Variants in FAM83B observed in about 807,000 individuals in gnomAD.
FAM83B encodes the protein scaffolding CK1 anchoring protein B.
Under a neutral mutation model 38.8 loss-of-function variants are expected in FAM83B, and 26 were observed. The observed-to-expected ratio is 0.67, with a 90% CI of 0.49 to 0.93. The LOEUF is 0.93. FAM83B is among the 40% of genes least tolerant of loss of function. The pLI, the probability that FAM83B is intolerant of heterozygous loss-of-function variation, is 0.00. For synonymous variants in FAM83B, 419 were observed against 423.1 expected (o/e 0.99, Z 0.12); for missense variants, 1,237 against 1,197.3 (o/e 1.03, Z -0.49).
At chr6:54,900,079 A>G (rs1475411632) in intron 2 of FAM83B, among the ~76,000 whole-genome samples, 1 of 152,212 alleles carries the variant, frequency 6.6e-6, no homozygotes, top group African/African-American at 2.4e-5. Context: ...GTTTTTGTCA[A>G]AATTAACATT....
intron 2 of FAM83B, among the ~76,000 whole-genome samples, chr6:54,905,461 A>G (rs915632936): frequency 2.0e-5 from 3 of 152,238 alleles, no homozygotes; most frequent in African/African-American, 7.2e-5. Context: ...CAAGCTAATT[A>G]ACATATCTTT....
rs555344713 is a variant in FAM83B at position 54,888,830 on chromosome 6, A to G, written c.444+18140A>G. On this transcript the variant is annotated intron_variant, in intron 2 of 4. Transcript: ENST00000306858. Reference sequence around the variant, plus strand: ...TATATCAGCTAGCATCTCCTCAAATATTGCTTCTACCTTCTGTTTCTCTTC... The same window carrying G: ...TATATCAGCTAGCATCTCCTCAAATGTTGCTTCTACCTTCTGTTTCTCTTC... Among the ~76,000 whole-genome samples the G allele has an allele frequency of 5.3e-5, 8 of 151,918 alleles. No individual in the cohort carries two copies. In the South Asian group the frequency reaches 1.7e-3, roughly 31 times the overall value.
rs1257128665 is a variant in FAM83B at position 54,855,970 on chromosome 6, G to A, written c.-61+9144G>A. Among the ~76,000 whole-genome samples the A allele has an allele frequency of 2.0e-5, 3 of 152,130 alleles. No homozygotes were observed. The East Asian group carries it at 5.8e-4, about 29-fold the overall frequency. On this transcript the variant is annotated intron_variant, in intron 1 of 4. Coordinates refer to ENST00000306858, the MANE Select transcript of FAM83B (RefSeq NM_001010872.3). ...ATATTTTTGATTTGTACAGAGGATG[G>A]TTAAAACTGAAAGAGAAGAAAGGTA...
chr6:54,919,941 A>T (rs560455758), intron 2 of FAM83B, among the ~76,000 whole-genome samples: 8 of 152,064 alleles, frequency 5.3e-5, no homozygotes, highest in African/African-American at 1.4e-4. Flanking sequence ...ACTTTCCCAG[A>T]ATCACTTAAT....
intron 2 of FAM83B, among the ~76,000 whole-genome samples, chr6:54,920,168 C>T (rs1170342996): frequency 6.6e-6 from 1 of 151,636 alleles, no homozygotes; most frequent in Non-Finnish European, 1.5e-5. Flanking sequence ...ATATCAGCCT[C>T]ATTTTTTTTT....
intron 2 of FAM83B, among the ~76,000 whole-genome samples, chr6:54,896,681 A>G (rs1246268728): frequency 6.6e-6 from 1 of 152,246 alleles, no homozygotes; most frequent in Non-Finnish European, 1.5e-5. Context: ...TAAAATTGTC[A>G]ATGTCTCAGA....
intron 2 of FAM83B, among the ~76,000 whole-genome samples, chr6:54,881,923 C>A (rs566992714): frequency 6.6e-6 from 1 of 152,322 alleles, no homozygotes; most frequent in South Asian, 2.1e-4. Flanking sequence ...TTCCCCCTGC[C>A]GCACGGCAGG....
intron 4 of FAM83B, among the ~76,000 whole-genome samples, chr6:54,933,164 T>C (rs1773460120): frequency 6.6e-6 from 1 of 152,048 alleles, no homozygotes; most frequent in South Asian, 2.1e-4. Context: ...ATTTTGCTCT[T>C]CTGACTCAAT....
chr6:54,846,909 G>GT (rs1554142384), intron 1 of FAM83B, 83 bp downstream of exon 1: 18 of 52,758 alleles, frequency 3.4e-4, no homozygotes, highest in African/African-American at 1.5e-3. Context: ...TTGGGGTACT[G>GT]GGGGGGCCCG....
At chr6:54,906,664 G>A (rs1269730478) in intron 2 of FAM83B, among the ~76,000 whole-genome samples, 3 of 152,034 alleles carry the variant, frequency 2.0e-5, no homozygotes, top group Non-Finnish European at 2.9e-5. Flanking sequence ...GATTACAGGC[G>A]TGAACCACCA....
Position 54,923,657 on chromosome 6 carries a change from G to A in FAM83B, c.445-2714G>A, listed in dbSNP as rs183998899. 3.2e-3 allele frequency among the ~76,000 whole-genome samples: 483 copies of A among 152,052 alleles called. 1 individual carries two copies. Among genetic ancestry groups the A allele is most frequent in the African/African-American group, 0.011 (460 of 41,464 alleles). ...ACCCTTTTCCTCAGATCTCTAAAAT[G>A]TCTTCTGGAATCTTCACTCTGAGTT... On this transcript the variant is annotated intron_variant, in intron 2 of 4. Transcript: ENST00000306858.
intron 1 of FAM83B, among the ~76,000 whole-genome samples, chr6:54,854,674 C>G (rs1241547473): frequency 1.3e-5 from 2 of 151,790 alleles, no homozygotes; most frequent in South Asian, 2.1e-4. Flanking sequence ...ACTGGGAAAC[C>G]AAAAAAAATT....
At chr6:54,922,472 CA>C (rs1217893483) in intron 2 of FAM83B, among the ~76,000 whole-genome samples, 1 of 151,136 alleles carries the variant, frequency 6.6e-6, no homozygotes, top group Middle Eastern at 3.2e-3. Context: ...ATAGCTAATG[CA>C]TTAAATTAAT....
intron 2 of FAM83B, among the ~76,000 whole-genome samples, chr6:54,909,453 G>C (rs2127584048): frequency 6.6e-6 from 1 of 152,232 alleles, no homozygotes; most frequent in East Asian, 1.9e-4. Context: ...AATACCATGA[G>C]AGATTTCTGA....
chr6:54,935,841 GA>G (rs1205995806), intron 4 of FAM83B, among the ~76,000 whole-genome samples: 1 of 152,076 alleles, frequency 6.6e-6, no homozygotes, highest in Non-Finnish European at 1.5e-5. Context: ...TTCTGAAAAA[GA>G]GGGCATTCAA....
intron 2 of FAM83B, among the ~76,000 whole-genome samples, chr6:54,921,903 T>C (rs1773181847): frequency 6.6e-6 from 1 of 152,028 alleles, no homozygotes; most frequent in Non-Finnish European, 1.5e-5. Flanking sequence ...AAAAAAAAGT[T>C]ACATTATATT....
intron 2 of FAM83B, among the ~76,000 whole-genome samples, chr6:54,926,037 C>T (rs941167151): frequency 1.3e-5 from 2 of 152,122 alleles, no homozygotes; most frequent in Non-Finnish European, 2.9e-5. Flanking sequence ...AATTGTAACA[C>T]TGGTTTCCAC....
chr6:54,905,790 C>T (rs949777649), intron 2 of FAM83B, among the ~76,000 whole-genome samples: 3 of 144,258 alleles, frequency 2.1e-5, no homozygotes, highest in African/African-American at 7.3e-5. Flanking sequence ...GCCATAGGAT[C>T]ATAATCTTTT....
chr6:54,860,329 G>A (rs990015203), intron 1 of FAM83B, among the ~76,000 whole-genome samples: 1 of 152,228 alleles, frequency 6.6e-6, no homozygotes, highest in East Asian at 1.9e-4. Flanking sequence ...ACAGGGATGT[G>A]CTTAGAGAGA....
Sources: gnomAD v4.1 joint callset for allele counts (sites outside exome capture counted in the v4.1 genomes callset) on GRCh38, gnomAD v4.1.1 for gene constraint, MANE v1.5 for transcripts, NCBI Gene and HGNC (gene_info 2026-07-23, HGNC 2026-07-21) for gene names.